Variants in SPIRE2 observed in about 807,000 individuals in gnomAD.
SPIRE2 encodes spire type actin nucleation factor 2.
SPIRE2 carries 76 observed loss-of-function variants against 80.7 expected under a neutral mutation model. The observed-to-expected ratio is 0.94, with a 90% CI of 0.78 to 1.14. The LOEUF (loss-of-function observed/expected upper bound fraction) is 1.14, where lower values mean the gene tolerates loss of function less well. Ranked by LOEUF, SPIRE2 falls within the 50% of genes most tolerant of loss-of-function variation. The pLI, the probability that SPIRE2 is intolerant of heterozygous loss-of-function variation, is 0.00. For missense variants in SPIRE2, 1,196 were observed against 1,015.3 expected, an observed-to-expected ratio of 1.18 and a Z score of -2.42; for synonymous variants, 535 against 432.6, an observed-to-expected ratio of 1.24 and a Z score of -2.94.
chr16:89,869,072 A>ATG lies in SPIRE2; in HGVS notation c.1807-494_1807-493insGT, dbSNP rs1555601175. Reference sequence around the variant, plus strand: ...AAAAAAAATATATATATATATATATATATGTTACCCCTCAGGCCTCAGTTC... The same window carrying ATG: ...AAAAAAAATATATATATATATATATATGTATGTTACCCCTCAGGCCTCAGTTC... On this transcript the variant is annotated intron_variant, in intron 13 of 14. Transcript: ENST00000378247. Among the ~76,000 whole-genome samples, 25 of 65,942 alleles carry ATG rather than the reference A, an allele frequency of 3.8e-4. 1 individual carries two copies. Among genetic ancestry groups the ATG allele is most frequent in the South Asian group, 6.4e-4 (1 of 1,574 alleles). 43.3% of individuals were successfully genotyped at this position (65,942 alleles called of 152,430 possible).
At chr16:89,869,850 G>A (rs961786705) in intron 14 of SPIRE2, among the ~76,000 whole-genome samples, 168 bp downstream of exon 14, 4 of 151,880 alleles carry the variant, frequency 2.6e-5, no homozygotes, top group African/African-American at 9.7e-5. Flanking sequence ...AGGCTGAGCA[G>A]TATGAGATGG....
In SPIRE2 at chr16:89,856,122, A is replaced by G; in HGVS notation, c.988A>G (p.Arg330Gly). The stretch of plus-strand genomic sequence containing the variant: ...CGCTTCCCCACCGCAGGTCTCTGAG[A>G]GGCGGCTGCGCCCGTTGCCACCAAA... Reference protein sequence around the residue: ...SRPPLKQVSERRLRPLPPKQR... With the variant: ...SRPPLKQVSEGRLRPLPPKQR... Residue 330 changes from arginine (R) to glycine (G), a missense_variant, in exon 7 of 15, where the codon AGG becomes GGG. By Grantham distance (125) the Arg-to-Gly change is moderately radical. Transcript: ENST00000378247. 6.2e-7 allele frequency: 1 copy of G among 1,611,616 alleles called. No homozygotes were observed. Among genetic ancestry groups the G allele is most frequent in the Non-Finnish European group, 8.5e-7 (1 of 1,179,578 alleles).
At position 89,856,213 on chromosome 16, in the gene SPIRE2, G is replaced by A. The variant is rs770539114; in HGVS notation, c.1079G>A (p.Arg360Gln). 37 of 1,589,416 alleles carry A rather than the reference G, an allele frequency of 2.3e-5. No homozygotes were observed. Among genetic ancestry groups the A allele is most frequent in the Admixed American group, 3.6e-5 (2 of 55,474 alleles). The change falls in exon 7 of 15, where the codon CGG becomes CAG. Residue 360 changes from arginine to glutamine, a missense_variant. Arg to Gln is a conservative substitution (Grantham distance 43, BLOSUM62 1). Transcript: ENST00000378247. ...IKQERRLRPVRGEGWAARGFG... is the reference protein window; with the variant it reads ...IKQERRLRPVQGEGWAARGFG... ...CAGGAGCGGAGGCTGCGCCCGGTGCGGGGCGAGGGCTGGGCTGCCCGCGGT... is the reference window on the plus strand; with the variant it reads ...CAGGAGCGGAGGCTGCGCCCGGTGCAGGGCGAGGGCTGGGCTGCCCGCGGT...
chr16:89,859,268 C>T lies in SPIRE2; in HGVS notation c.1376C>T (p.Ser459Leu), dbSNP rs374371443. ...LRSEVASGLQ[S>L]ATHPPGGTEP... ...AGTGAGGTGGCCTCTGGCCTGCAGT[C>T]GGCCACCCACCCCCCAGGAGGGACG... Residue 459 changes from serine (S) to leucine (L), a missense_variant, in exon 9 of 15, where the codon TCG (serine) becomes TTG (leucine). Transcript: ENST00000378247. 258 of 1,607,086 alleles carry T rather than the reference C, an allele frequency of 1.6e-4. 1 individual carries two copies. The highest frequency in any genetic ancestry group is 9.9e-4 in the Middle Eastern group (6 of 6,050).
chr16:89,854,771 C>G (rs1481519992), intron 5 of SPIRE2, 120 bp downstream of exon 5: 9 of 1,106,224 alleles, frequency 8.1e-6, no homozygotes, highest in Non-Finnish European at 1.2e-5. Context: ...AGGGTCCCTG[C>G]TCTCTGTGCT....
intron 1 of SPIRE2, among the ~76,000 whole-genome samples, chr16:89,841,439 G>C (rs531520446): frequency 6.6e-6 from 1 of 152,050 alleles, no homozygotes; most frequent in Non-Finnish European, 1.5e-5. Context: ...ATGTGGCCAC[G>C]TTGGTGACGT....
chr16:89,831,644 A>G lies in SPIRE2; in HGVS notation c.244+2850A>G, dbSNP rs184446199. Among the ~76,000 whole-genome samples the G allele has an allele frequency of 1.4e-3, 213 of 150,472 alleles. 2 individuals carry two copies. The East Asian group carries it at 0.033, about 24-fold the overall frequency. On this transcript the variant is annotated intron_variant, in intron 1 of 14. Transcript: ENST00000378247. ...GATCTCCTGACCTCATGATCCGCCCACCTCGGCCTCCCAAAGTGCTGGGAT... is the reference window on the plus strand; with the variant it reads ...GATCTCCTGACCTCATGATCCGCCCGCCTCGGCCTCCCAAAGTGCTGGGAT...
chr16:89,857,332 C>T (rs1327051203), intron 7 of SPIRE2, among the ~76,000 whole-genome samples: 1 of 151,700 alleles, frequency 6.6e-6, no homozygotes, highest in African/African-American at 2.4e-5. Flanking sequence ...GACAGGGTCT[C>T]ACTCTGTTGC....
intron 2 of SPIRE2, chr16:89,846,402 A>G (rs1316991019): frequency 6.6e-6 from 1 of 151,290 alleles, no homozygotes; most frequent in African/African-American, 2.4e-5. Flanking sequence ...GCTCACTGCA[A>G]CCTCGGCTAG....
At chr16:89,859,417 C>T (rs1216722901) in intron 9 of SPIRE2, 63 bp downstream of exon 9, 2 of 1,086,332 alleles carry the variant, frequency 1.8e-6, no homozygotes, top group African/African-American at 1.6e-5. Context: ...CCTGTGGGCA[C>T]CATCCCTCCA....
Position 89,855,687 on chromosome 16 carries a change from G to A in SPIRE2, c.978+1G>A, listed in dbSNP as rs2143814378. On this transcript the variant is annotated splice_donor_variant, in intron 6 of 14. Coordinates refer to ENST00000378247, the MANE Select transcript of SPIRE2 (RefSeq NM_032451.2). LOFTEE classifies it high-confidence loss of function. ...CCGCTCACGGCCTCCACTGAAGCAGGTGCTGCCCCAGCCTCCTCCTCCTCA... is the reference window on the plus strand; with the variant it reads ...CCGCTCACGGCCTCCACTGAAGCAGATGCTGCCCCAGCCTCCTCCTCCTCA... 6.2e-7 allele frequency: 1 copy of A among 1,612,676 alleles called. No individual in the cohort carries two copies. The highest frequency in any genetic ancestry group is 2.2e-5 in the East Asian group (1 of 44,878).
chr16:89,837,213 C>T (rs150216252), intron 1 of SPIRE2, among the ~76,000 whole-genome samples: 1 of 152,284 alleles, frequency 6.6e-6, no homozygotes, highest in East Asian at 1.9e-4. Flanking sequence ...CCCAGGTCAG[C>T]CTGAGAATCT....
chr16:89,865,004 CTTTTTTTT>C (rs398042284), intron 12 of SPIRE2, among the ~76,000 whole-genome samples: 1 of 125,364 alleles, frequency 8.0e-6, no homozygotes, highest in South Asian at 2.6e-4. Context: ...ACTTTTTTTC[CTTTTTTTT>C]TTTTTTTTTT....
chr16:89,858,150 G>T (rs1336403462), intron 7 of SPIRE2, among the ~76,000 whole-genome samples, 188 bp from the exon 8 acceptor site: 1 of 152,166 alleles, frequency 6.6e-6, no homozygotes, highest in Admixed American at 6.5e-5. Context: ...CTCCCAAAGT[G>T]CTGGGATTAC....
At chr16:89,855,762 C>A in intron 6 of SPIRE2, 76 bp downstream of exon 6, 2 of 1,438,572 alleles carry the variant, frequency 1.4e-6, no homozygotes, top group Non-Finnish European at 1.9e-6. Context: ...GGGAGGTGTC[C>A]CAGCACGTCT....
chr16:89,856,143 C>G lies in SPIRE2; in HGVS notation c.1009C>G (p.Pro337Ala). 1.2e-6 allele frequency: 2 copies of G among 1,611,350 alleles called. No homozygotes were observed. The highest frequency in any genetic ancestry group is 1.7e-6 in the Non-Finnish European group (2 of 1,179,380). The change falls in exon 7 of 15, where the codon CCA (proline) becomes GCA (alanine). Residue 337 changes from proline (P) to alanine (A), a missense_variant. By Grantham distance (27) the Pro-to-Ala change is conservative (BLOSUM62 -1). Coordinates refer to ENST00000378247, the MANE Select transcript of SPIRE2 (RefSeq NM_032451.2). ...TGAGAGGCGGCTGCGCCCGTTGCCA[C>G]CAAAGCAAAGGTCCCTGCATGAGAA... is the stretch of plus-strand genomic sequence containing the variant. Reference protein sequence around the residue: ...VSERRLRPLPPKQRSLHEKIL... With the variant: ...VSERRLRPLPAKQRSLHEKIL...
chr16:89,866,768 C>A (rs1454624143), intron 12 of SPIRE2, among the ~76,000 whole-genome samples: 1 of 151,982 alleles, frequency 6.6e-6, no homozygotes, highest in Non-Finnish European at 1.5e-5. Flanking sequence ...GCCACCAGGC[C>A]TGGCTAATTT....
At chr16:89,868,037 T>C (rs2041805045) in intron 12 of SPIRE2, 152 bp from the exon 13 acceptor site, 8 of 833,426 alleles carry the variant, frequency 9.6e-6, no homozygotes, top group African/African-American at 1.7e-5. Flanking sequence ...AAGCAAGATT[T>C]TGGAGTAAAA....
chr16:89,860,780 C>A lies in SPIRE2; in HGVS notation c.1560C>A (p.Ala520=). 1 of 1,537,184 alleles carries A rather than the reference C, an allele frequency of 6.5e-7. No individual in the cohort carries two copies. The highest frequency in any genetic ancestry group is 1.2e-5 in the South Asian group (1 of 81,796). ...CCGAGGCCTCCATGACCCCCGATGC[C>A]AAACACCTGTGGCTGGTGAGTGAGG... is the stretch of plus-strand genomic sequence containing the variant. The part of the protein sequence containing the change: ...DRPEASMTPD[A]KHLWLEFSHP... Residue 520 remains alanine, a synonymous_variant, in exon 10 of 15, where the codon GCC becomes GCA. Transcript: ENST00000378247.
Sources: gnomAD v4.1 joint callset for allele counts (sites outside exome capture counted in the v4.1 genomes callset) on GRCh38, gnomAD v4.1.1 for gene constraint, MANE v1.5 for transcripts, NCBI Gene and HGNC (gene_info 2026-07-23, HGNC 2026-07-21) for gene names.